Variants in CHN2 observed in about 807,000 individuals in gnomAD.
CHN2 encodes chimerin 2, also known as beta-chimaerin.
A neutral mutation model predicts 56.3 loss-of-function variants in CHN2; 35 were observed. The observed-to-expected ratio is 0.62, with a 90% CI of 0.47 to 0.82. The LOEUF (loss-of-function observed/expected upper bound fraction) is 0.82. Ranked by LOEUF, CHN2 falls within the 40% of genes least tolerant of loss-of-function variation. The pLI is 0.00. For missense variants in CHN2, 491 were observed against 580.5 expected, an observed-to-expected ratio of 0.85 and a Z score of 1.58; for synonymous variants, 210 against 212.8, an observed-to-expected ratio of 0.99 and a Z score of 0.12.
At chr7:29,303,854 G>C (rs1158460279) in intron 1 of CHN2, among the ~76,000 whole-genome samples, 1 of 152,216 alleles carries the variant, frequency 6.6e-6, no homozygotes. Context: ...GAGGTCAGGA[G>C]TTTGAGGCCA....
chr7:29,155,940 G>A (rs1012989153), intron 2 of CHN2, among the ~76,000 whole-genome samples: 2 of 152,164 alleles, frequency 1.3e-5, no homozygotes, highest in East Asian at 1.9e-4. Context: ...ATCTAGAGAC[G>A]GCCACGTGCT....
At chr7:29,325,179 A>G (rs1342512430) in intron 1 of CHN2, among the ~76,000 whole-genome samples, 1 of 152,110 alleles carries the variant, frequency 6.6e-6, no homozygotes, top group Non-Finnish European at 1.5e-5. Context: ...AATTGTAGGC[A>G]TTTGCCTAAT....
chr7:29,496,137 A>G, intron 8 of CHN2, 101 bp downstream of exon 8: 2 of 930,328 alleles, frequency 2.1e-6, no homozygotes, highest in Non-Finnish European at 1.6e-6. Flanking sequence ...GATTAGCTCA[A>G]AAGTCTAGCC....
intron 6 of CHN2, among the ~76,000 whole-genome samples, chr7:29,450,945 A>G (rs1784362710): frequency 6.6e-6 from 1 of 151,606 alleles, no homozygotes; most frequent in East Asian, 1.9e-4. Context: ...TAATTTTTTT[A>G]TTTTTAGTAG....
At chr7:29,501,079 AATATATTTTATACAT>A (rs747282534) in intron 9 of CHN2, among the ~76,000 whole-genome samples, 69 of 150,792 alleles carry the variant, frequency 4.6e-4, no homozygotes, top group Admixed American at 8.6e-4. Flanking sequence ...TAATTGGCTT[AATATATTTTATACAT>A]ATATATTCAT....
At chr7:29,187,248 A>G (rs1300939355) in intron 2 of CHN2, among the ~76,000 whole-genome samples, 2 of 152,092 alleles carry the variant, frequency 1.3e-5, no homozygotes, top group African/African-American at 2.4e-5. Context: ...ATTGAAATCT[A>G]CTTTGAAATT....
At chr7:29,336,149 C>T (rs1279086103) in intron 1 of CHN2, 3 of 152,190 alleles carry the variant, frequency 2.0e-5, no homozygotes, top group Admixed American at 6.5e-5. Flanking sequence ...TGGAGAATCT[C>T]CCTTGTGGCC....
chr7:29,357,717 A>C (rs6943813), intron 2 of CHN2, among the ~76,000 whole-genome samples: 7,797 of 152,254 alleles, frequency 0.051, 466 homozygotes, highest in East Asian at 0.14. Context: ...GTGGGTCTTG[A>C]AGGATGACTA....
At chr7:29,301,000 C>A (rs1417552664) in intron 1 of CHN2, among the ~76,000 whole-genome samples, 3 of 149,600 alleles carry the variant, frequency 2.0e-5, no homozygotes, top group Non-Finnish European at 4.4e-5. Context: ...TTTCCATTTT[C>A]TTTTAGTTAA....
intron 6 of CHN2, among the ~76,000 whole-genome samples, chr7:29,464,597 G>C (rs1245546530): frequency 2.0e-5 from 3 of 152,194 alleles, no homozygotes; most frequent in Non-Finnish European, 2.9e-5. Flanking sequence ...AGTAGTCTAA[G>C]AACCATTGGA....
upstream of CHN2, chr7:29,192,560 CAATGA>C (rs1783027712): frequency 6.6e-6 from 1 of 152,174 alleles, no homozygotes; most frequent in Non-Finnish European, 1.5e-5. Context: ...TCTCCAGATG[CAATGA>C]AGAAAGCAAA....
chr7:29,302,721 C>G (rs892268551), intron 1 of CHN2, among the ~76,000 whole-genome samples: 5 of 152,024 alleles, frequency 3.3e-5, no homozygotes, highest in Admixed American at 6.6e-5. Context: ...TTTCATCTTC[C>G]CAAACTGAAA....
At position 29,405,164 on chromosome 7, in the gene CHN2, T is replaced by TACACACACACACACACACAC. The variant is rs57823678; in HGVS notation, c.576+4375_576+4394dup. Among the ~76,000 whole-genome samples, 148 of 105,212 alleles carry TACACACACACACACACACAC rather than the reference T, an allele frequency of 1.4e-3. 13 individuals are homozygous for TACACACACACACACACACAC. The highest frequency in any genetic ancestry group is 2.6e-3 in the East Asian group (8 of 3,104). 69.0% of individuals were successfully genotyped at this position (105,212 alleles called of 152,430 possible). ...TCTGTATGGAGTGCTTATGTCACCA[T>TACACACACACACACACACAC]ACACACACACACACACACACACACA... On this transcript the variant is annotated intron_variant, in intron 6 of 12. Coordinates refer to ENST00000222792, the MANE Select transcript of CHN2 (RefSeq NM_004067.4).
intron 1 of CHN2, among the ~76,000 whole-genome samples, chr7:29,260,825 G>A (rs1789478984): frequency 6.6e-6 from 1 of 152,184 alleles, no homozygotes; most frequent in African/African-American, 2.4e-5. Flanking sequence ...CAATAGCAGA[G>A]GAAAGAAATC....
At chr7:29,511,616 C>G (rs1372230529) in intron 12 of CHN2, among the ~76,000 whole-genome samples, 1 of 152,132 alleles carries the variant, frequency 6.6e-6, no homozygotes, top group Non-Finnish European at 1.5e-5. Context: ...ATGACACAAA[C>G]TGGGTTGACC....
intron 6 of CHN2, among the ~76,000 whole-genome samples, chr7:29,411,702 G>A (rs1803230645): frequency 6.6e-6 from 1 of 152,098 alleles, no homozygotes; most frequent in South Asian, 2.1e-4. Flanking sequence ...AGGAAGTAGA[G>A]CCTGGGCTGC....
chr7:29,148,017 C>T (rs1035358848), intron 2 of CHN2, among the ~76,000 whole-genome samples: 1 of 152,162 alleles, frequency 6.6e-6, no homozygotes, highest in Non-Finnish European at 1.5e-5. Context: ...GGTGGAAGCT[C>T]GGTCAAGCTT....
intron 1 of CHN2, among the ~76,000 whole-genome samples, chr7:29,317,660 C>T (rs971863645): frequency 2.6e-5 from 4 of 152,062 alleles, no homozygotes; most frequent in Non-Finnish European, 5.9e-5. Context: ...TTAAACTAGA[C>T]AATAGGAGGG....
chr7:29,331,129 A>T (rs1796180688), intron 1 of CHN2, among the ~76,000 whole-genome samples: 1 of 152,222 alleles, frequency 6.6e-6, no homozygotes, highest in Non-Finnish European at 1.5e-5. Context: ...AAATTATCTT[A>T]GTCATACTCA....
Sources: allele counts gnomAD v4.1 joint callset (sites outside exome capture counted in the v4.1 genomes callset), GRCh38; gene constraint gnomAD v4.1.1; transcripts MANE v1.5; gene names NCBI Gene and HGNC (gene_info 2026-07-23, HGNC 2026-07-21).